Variants in ZBTB26 observed in about 807,000 individuals in gnomAD.
The protein encoded by ZBTB26 is zinc finger and BTB domain-containing protein 26.
In ZBTB26, 12 loss-of-function variants were observed where a neutral mutation model predicts 31.6. The observed-to-expected ratio is 0.38, with a 90% CI of 0.24 to 0.61. The LOEUF is 0.61. Among genes scored for constraint, ZBTB26 ranks in the 20% least tolerant of loss-of-function variants. The probability of loss-of-function intolerance (pLI) is 0.60; values close to 1 mark genes in which losing one functional copy is unlikely to be tolerated. For missense variants in ZBTB26, 311 were observed against 521.9 expected (o/e 0.60, Z 3.94); for synonymous variants, 155 against 182.9 (o/e 0.85, Z 1.23).
At chr9:122,921,655 G>C (rs1446067718) in intron 1 of ZBTB26, among the ~76,000 whole-genome samples, 1 of 152,168 alleles carries the variant, frequency 6.6e-6, no homozygotes, top group Non-Finnish European at 1.5e-5. Context: ...TTCTAGGCTG[G>C]GCATGGTGGC....
intron 1 of ZBTB26, among the ~76,000 whole-genome samples, chr9:122,924,275 T>C (rs560546639): frequency 6.6e-6 from 1 of 152,354 alleles, no homozygotes; most frequent in African/African-American, 2.4e-5. Flanking sequence ...TTAAAGGATG[T>C]TTTCCCTAGG....
chr9:122,916,848 T>C lies in ZBTB26; in HGVS notation c.*1761A>G, dbSNP rs1315263146. 2.0e-5 allele frequency: 3 copies of C among 152,222 alleles called. No homozygotes were observed. The highest frequency in any genetic ancestry group is 1.9e-4 in the East Asian group (1 of 5,204). The allele number at this position is 152,222 out of a possible 1,614,324, so 9.4% of individuals were successfully genotyped here. A position where few individuals can be genotyped will look rare whatever the true frequency, so the allele number is the denominator to read the frequency against. ...CAATGATACATGTAAACGTATCAAATATAACAATTGAAGATCCCCTCTGAC... is the reference window on the plus strand; with the variant it reads ...CAATGATACATGTAAACGTATCAAACATAACAATTGAAGATCCCCTCTGAC... On this transcript the variant is annotated 3_prime_UTR_variant, in exon 2 of 2. Transcript: ENST00000373656.
intron 1 of ZBTB26, among the ~76,000 whole-genome samples, chr9:122,926,051 G>A (rs371735393): frequency 1.3e-4 from 20 of 151,848 alleles, no homozygotes; most frequent in African/African-American, 3.6e-4. Flanking sequence ...GAGCCACTGC[G>A]CCAGGCCTAA....
At chr9:122,925,233 C>T (rs953167365) in intron 1 of ZBTB26, among the ~76,000 whole-genome samples, 7 of 152,060 alleles carry the variant, frequency 4.6e-5, no homozygotes, top group African/African-American at 1.7e-4. Context: ...ATTAGCTGGG[C>T]GTGGTGTCAT....
In ZBTB26 at chr9:122,918,623, T is replaced by C. The variant is rs1469344255; in HGVS notation, c.1312A>G (p.Thr438Ala). Residue 438 changes from threonine to alanine, a missense_variant, in exon 2 of 2, where the codon ACT (threonine) becomes GCT (alanine). By Grantham distance (58) the Thr-to-Ala change is moderately conservative. Around this residue, in one of 5 missense-constraint regions of ZBTB26, gnomAD observed 49 missense variants for 66.0 expected, o/e 0.74. Coordinates refer to ENST00000373656, the MANE Select transcript of ZBTB26 (RefSeq NM_020924.4). ...GAAGCCCCTACTCAATTCACACAAG[T>C]ACTATCATTTCTTAAGTTCAGGACA... The part of the protein sequence containing the change: ...QAVLNLRNDS[T>A]CVN 1 of 1,612,848 alleles carries C rather than the reference T, an allele frequency of 6.2e-7. No homozygotes were observed. Among genetic ancestry groups the C allele is most frequent in the Non-Finnish European group, 8.5e-7 (1 of 1,179,530 alleles).
At chr9:122,929,763 C>T (rs977842100) in intron 1 of ZBTB26, among the ~76,000 whole-genome samples, 4 of 152,130 alleles carry the variant, frequency 2.6e-5, no homozygotes, top group Non-Finnish European at 5.9e-5. Flanking sequence ...AGTATCACCT[C>T]ATCACTGTAC....
Position 122,918,876 on chromosome 9 carries a change from G to A in ZBTB26, c.1059C>T (p.Pro353=), listed in dbSNP as rs750406557. 6.2e-7 allele frequency: 1 copy of A among 1,614,114 alleles called. No individual in the cohort carries two copies. The change falls in exon 2 of 2, where the codon CCC becomes CCT. Residue 353 remains proline, a synonymous_variant. Coordinates refer to ENST00000373656, the MANE Select transcript of ZBTB26 (RefSeq NM_020924.4). ...DHLNLHSGDK[P]HKCNYCDMVF... ...CCATATCACAATAGTTACATTTATG[G>A]GGCTTATCTCCACTGTGAAGGTTAA...
At position 122,919,431 on chromosome 9, in the gene ZBTB26, T is replaced by C; in HGVS notation, c.504A>G (p.Pro168=). The C allele has an allele frequency of 6.2e-7, 1 of 1,614,228 alleles. No homozygotes were observed. Among genetic ancestry groups the C allele is most frequent in the Non-Finnish European group, 8.5e-7 (1 of 1,180,034 alleles). ...CCTCCATATCCATACTGTCTTCAGA[T>C]GGATGAATACAAGGTGAGTCCTGCT... The part of the protein sequence containing the change: ...SPKQDSPCIH[P]SEDSMDMEDS... The change falls in exon 2 of 2, where the codon CCA becomes CCG. Residue 168 remains proline (P), a synonymous_variant. Coordinates refer to ENST00000373656, the MANE Select transcript of ZBTB26 (RefSeq NM_020924.4). This position sits in a 1 kb window ranked among gnomAD's most constrained non-coding sequence, Gnocchi z 6.1.
At chr9:122,929,006 T>C (rs1475928249) in intron 1 of ZBTB26, among the ~76,000 whole-genome samples, 3 of 152,218 alleles carry the variant, frequency 2.0e-5, no homozygotes, top group African/African-American at 7.2e-5. Flanking sequence ...CTGATGGGCT[T>C]GGTGACCAAT....
Sources: gnomAD v4.1 joint callset for allele counts (sites outside exome capture counted in the v4.1 genomes callset) on GRCh38, gnomAD v4.1.1 for gene constraint, gnomAD v4.1.1 regional missense constraint, Gnocchi (gnomAD v3.1) non-coding constraint, MANE v1.5 for transcripts, NCBI Gene and HGNC (gene_info 2026-07-23, HGNC 2026-07-21) for gene names.